The following TAOK1 variants were observed in gnomAD, a reference collection of about 807,000 sequenced individuals.
TAOK1 encodes the protein serine/threonine-protein kinase TAO1.
A neutral mutation model predicts 138.3 loss-of-function variants in TAOK1; 21 were observed. The ratio of observed to expected loss-of-function variants is 0.15; its 90% CI spans 0.11 to 0.22. The LOEUF is 0.22. TAOK1 is among the 10% of genes least tolerant of loss of function. The pLI is 1.00. For missense variants in TAOK1, 651 were observed against 1,227.7 expected (o/e 0.53, Z 7.02); for synonymous variants, 361 against 398.4 (o/e 0.91, Z 1.12).
chr17:29,446,548 T>C (rs2030083995), intron 1 of TAOK1, among the ~76,000 whole-genome samples: 1 of 152,054 alleles, frequency 6.6e-6, no homozygotes, highest in African/African-American at 2.4e-5. Flanking sequence ...GGCTGTATTT[T>C]AGTTTTTATT....
At chr17:29,394,247 G>C (rs1160717614) in intron 1 of TAOK1, among the ~76,000 whole-genome samples, 1 of 125,044 alleles carries the variant, frequency 8.0e-6, no homozygotes, top group African/African-American at 3.0e-5. Flanking sequence ...CTCACTGCAA[G>C]TTCCACCTCC....
intron 14 of TAOK1, among the ~76,000 whole-genome samples, chr17:29,508,773 G>T (rs2153029304): frequency 6.6e-6 from 1 of 152,214 alleles, no homozygotes; most frequent in South Asian, 2.1e-4. Context: ...TTCAGATTGA[G>T]CTCATTTGAT....
At chr17:29,523,074 CA>C (rs35989910) in intron 17 of TAOK1, among the ~76,000 whole-genome samples, 47,517 of 110,840 alleles carry the variant, frequency 0.43, 8,486 homozygotes, top group Middle Eastern at 0.48. Context: ...GACCCTGTCT[CA>C]AAAAAAAAAA....
chr17:29,522,232 C>A, intron 16 of TAOK1, 48 bp from the exon 17 acceptor site: 1 of 1,587,678 alleles, frequency 6.3e-7, no homozygotes, highest in South Asian at 1.2e-5. Context: ...TTTTTTCTGG[C>A]ATTATACAGC....
At chr17:29,511,426 CG>C (rs1333805145) in intron 15 of TAOK1, 1 of 152,286 alleles carries the variant, frequency 6.6e-6, no homozygotes, top group Non-Finnish European at 1.5e-5. Flanking sequence ...TTAGTAGAGA[CG>C]GGGTTTCACC....
chr17:29,485,209 AGTTT>A (rs1452039534), intron 8 of TAOK1, among the ~76,000 whole-genome samples: 2 of 152,158 alleles, frequency 1.3e-5, no homozygotes, highest in Admixed American at 6.6e-5. Context: ...GAAAATTCTT[AGTTT>A]GTTATTCAAG....
intron 19 of TAOK1, among the ~76,000 whole-genome samples, chr17:29,538,374 T>C (rs1402918936): frequency 6.6e-6 from 1 of 152,196 alleles, no homozygotes; most frequent in Non-Finnish European, 1.5e-5. Flanking sequence ...TATTTAGTAT[T>C]TAAAAGAGTA....
chr17:29,454,655 A>C (rs2030329398), intron 2 of TAOK1, among the ~76,000 whole-genome samples: 2 of 152,114 alleles, frequency 1.3e-5, no homozygotes. Flanking sequence ...ATTTAGTTGC[A>C]AATGTTTCAC....
intron 1 of TAOK1, among the ~76,000 whole-genome samples, chr17:29,416,356 G>A (rs1453004031): frequency 6.6e-6 from 1 of 150,958 alleles, no homozygotes. Flanking sequence ...TACTTTTTTT[G>A]CTCTTCTTCA....
At chr17:29,462,398 T>C (rs1304645838) in intron 2 of TAOK1, among the ~76,000 whole-genome samples, 14 of 152,174 alleles carry the variant, frequency 9.2e-5, no homozygotes, top group African/African-American at 3.1e-4. Context: ...AGTAGATGGG[T>C]CACACAATAA....
intron 8 of TAOK1, among the ~76,000 whole-genome samples, chr17:29,482,607 C>G (rs1440994567): frequency 2.6e-5 from 4 of 151,754 alleles, no homozygotes; most frequent in Admixed American, 6.6e-5. Flanking sequence ...GATTTACCAG[C>G]TATAGAAGAT....
chr17:29,411,150 G>A (rs1905134050), intron 1 of TAOK1, among the ~76,000 whole-genome samples: 7 of 131,346 alleles, frequency 5.3e-5, no homozygotes. Flanking sequence ...GGAGTGCAGT[G>A]GCGGGATCTC....
At chr17:29,524,772 A>T (rs1411204986) in intron 17 of TAOK1, among the ~76,000 whole-genome samples, 1 of 152,020 alleles carries the variant, frequency 6.6e-6, no homozygotes, top group African/African-American at 2.4e-5. Flanking sequence ...AGGAGAGGAG[A>T]CTGCAGTTGG....
intron 1 of TAOK1, among the ~76,000 whole-genome samples, chr17:29,409,381 C>T (rs1476648509): frequency 7.5e-6 from 1 of 133,892 alleles, no homozygotes; most frequent in Non-Finnish European, 1.5e-5. Flanking sequence ...GTTGCCCAGG[C>T]TGGAGTGCAG....
At chr17:29,451,308 G>A (rs1190940159) in intron 1 of TAOK1, 147 bp from the exon 2 acceptor site, 1 of 301,408 alleles carries the variant, frequency 3.3e-6, no homozygotes, top group Non-Finnish European at 6.1e-6. Flanking sequence ...GATGAAACAG[G>A]TTTAGGAGCT....
intron 13 of TAOK1, among the ~76,000 whole-genome samples, chr17:29,504,688 AAAAG>A (rs2031600092): frequency 6.6e-6 from 1 of 152,160 alleles, no homozygotes; most frequent in Non-Finnish European, 1.5e-5. Flanking sequence ...AAAAATAAAA[AAAAG>A]AAAAGAAAAT....
intron 15 of TAOK1, among the ~76,000 whole-genome samples, chr17:29,516,025 C>T (rs574299104): frequency 9.5e-4 from 144 of 151,080 alleles, no homozygotes; most frequent in African/African-American, 3.4e-3. Context: ...GGTGCGATCT[C>T]GGCTCACTGC....
chr17:29,424,353 C>T (rs956467926), intron 1 of TAOK1, among the ~76,000 whole-genome samples: 1 of 145,400 alleles, frequency 6.9e-6, no homozygotes, highest in Admixed American at 7.2e-5. Flanking sequence ...AGGAGAATAG[C>T]GTGAACCTGG....
At chr17:29,540,683 G>C (rs1185470580) in intron 19 of TAOK1, among the ~76,000 whole-genome samples, 2 of 152,168 alleles carry the variant, frequency 1.3e-5, no homozygotes, top group Non-Finnish European at 2.9e-5. Context: ...CGATTCTTCT[G>C]CTTCAGTCTC....
Sources: gnomAD v4.1 joint callset for allele counts (sites outside exome capture counted in the v4.1 genomes callset) on GRCh38, gnomAD v4.1.1 for gene constraint, MANE v1.5 for transcripts, NCBI Gene and HGNC (gene_info 2026-07-23, HGNC 2026-07-21) for gene names.